TRAPPC11: variants seen among roughly 807,000 people sequenced by gnomAD.
The protein encoded by TRAPPC11 is trafficking protein particle complex subunit 11.
In TRAPPC11, 104 loss-of-function variants were observed where a neutral mutation model predicts 151.2. That is an observed-to-expected ratio of 0.69 (90% confidence interval 0.59 to 0.81). The LOEUF (loss-of-function observed/expected upper bound fraction) is 0.81, where lower values mean the gene tolerates loss of function less well. Ranked by LOEUF, TRAPPC11 falls within the 30% of genes least tolerant of loss-of-function variation. The pLI, the probability that TRAPPC11 is intolerant of heterozygous loss-of-function variation, is 0.00. For missense variants in TRAPPC11, 1,230 were observed against 1,349.6 expected, an observed-to-expected ratio of 0.91 and a Z score of 1.39; for synonymous variants, 456 against 472.3, an observed-to-expected ratio of 0.97 and a Z score of 0.45.
chr4:183,694,825 G>C, intron 23 of TRAPPC11, 102 bp downstream of exon 23: 3 of 1,171,850 alleles, frequency 2.6e-6, no homozygotes, highest in Non-Finnish European at 3.6e-6. Context: ...AGCAGTTTAG[G>C]TGCTTATAGT....
chr4:183,695,554 A>G lies in TRAPPC11; in HGVS notation c.2628+831A>G, dbSNP rs141329260. 7.9e-5 allele frequency among the ~76,000 whole-genome samples: 12 copies of G among 152,230 alleles called. No homozygotes were observed. The East Asian group carries it at 1.9e-3, about 25-fold the overall frequency. On this transcript the variant is annotated intron_variant, in intron 23 of 29. Coordinates refer to ENST00000334690, the MANE Select transcript of TRAPPC11 (RefSeq NM_021942.6). ...TTTAACAGGCCATGTTTCTAAATAG[A>G]TTCAATTGTGCTGTATATAATGTTT... is the stretch of plus-strand genomic sequence containing the variant.
rs1737421977 is a variant in TRAPPC11, at chr4:183,713,494, T to C, written c.*850T>C. On this transcript the variant is annotated 3_prime_UTR_variant, in exon 30 of 30. Coordinates refer to ENST00000334690, the MANE Select transcript of TRAPPC11 (RefSeq NM_021942.6). The stretch of plus-strand genomic sequence containing the variant: ...GTATTTGTTAAAATACCTTAATAAT[T>C]TAAAATGACCTGATTTCCTGGAAAA... 1.3e-5 allele frequency: 2 copies of C among 152,656 alleles called. No homozygotes were observed. Among genetic ancestry groups the C allele is most frequent in the Admixed American group, 6.5e-5 (1 of 15,278 alleles). 9.5% of individuals were successfully genotyped at this position (152,656 alleles called of 1,614,324 possible). A position where few individuals can be genotyped will look rare whatever the true frequency, so the allele number is the denominator to read the frequency against.
intron 7 of TRAPPC11, among the ~76,000 whole-genome samples, chr4:183,677,031 C>T (rs1236473988): frequency 6.6e-6 from 1 of 152,186 alleles, no homozygotes; most frequent in Non-Finnish European, 1.5e-5. Context: ...TCTCAAAGTG[C>T]TGGGATTACA....
intron 18 of TRAPPC11, among the ~76,000 whole-genome samples, chr4:183,687,107 G>A (rs1382604433): frequency 6.6e-6 from 1 of 152,100 alleles, no homozygotes; most frequent in Non-Finnish European, 1.5e-5. Context: ...CTTGAACTCG[G>A]GAGATGGAGG....
At chr4:183,707,370 A>T (rs1380165610) in intron 28 of TRAPPC11, among the ~76,000 whole-genome samples, 1 of 152,044 alleles carries the variant, frequency 6.6e-6, no homozygotes, top group Admixed American at 6.6e-5. Context: ...CGTAGAATAT[A>T]CTTAACCTTT....
At chr4:183,704,924 A>G in intron 26 of TRAPPC11, 55 bp from the exon 27 acceptor site, 1 of 1,167,984 alleles carries the variant, frequency 8.6e-7, no homozygotes, top group Non-Finnish European at 1.2e-6. Flanking sequence ...AACTTCTTTC[A>G]TAGTTTAAAA....
chr4:183,710,670 T>G (rs1737298405), intron 29 of TRAPPC11, among the ~76,000 whole-genome samples: 1 of 152,074 alleles, frequency 6.6e-6, no homozygotes, highest in Non-Finnish European at 1.5e-5. Context: ...GCAACTTGAC[T>G]GCTGCCAAAA....
chr4:183,694,227 A>G (rs1736412562), intron 22 of TRAPPC11, among the ~76,000 whole-genome samples, 189 bp downstream of exon 22: 1 of 152,246 alleles, frequency 6.6e-6, no homozygotes, highest in South Asian at 2.1e-4. Context: ...TTTTTCTACA[A>G]GGGAATTTAG....
intron 29 of TRAPPC11, among the ~76,000 whole-genome samples, chr4:183,709,128 AC>A (rs1737218910): frequency 6.6e-6 from 1 of 152,126 alleles, no homozygotes; most frequent in Non-Finnish European, 1.5e-5. Flanking sequence ...ACTCCCTGAT[AC>A]CTAAATAAGA....
At chr4:183,707,921 ATCT>A (rs1737157041) in intron 28 of TRAPPC11, among the ~76,000 whole-genome samples, 1 of 150,050 alleles carries the variant, frequency 6.7e-6, no homozygotes, top group Non-Finnish European at 1.5e-5. Context: ...TTTTCAAAAC[ATCT>A]TTTTTTTTTC....
At position 183,706,485 on chromosome 4, in the gene TRAPPC11, T is replaced by C. The variant is rs189150227; in HGVS notation, c.3056-322T>C. 6.0e-5 allele frequency among the ~76,000 whole-genome samples: 9 copies of C among 149,566 alleles called. No individual in the cohort carries two copies. In the East Asian group the frequency reaches 1.8e-3, roughly 29 times the overall value. On this transcript the variant is annotated intron_variant, in intron 27 of 29. Transcript: ENST00000334690. ...TTGCAGTGAGCCGAGATAGCACCAC[T>C]GCACTCCAGCCTGGGTGAAAGAGCG...
chr4:183,703,378 T>G (rs898235506), intron 26 of TRAPPC11, among the ~76,000 whole-genome samples: 12 of 152,220 alleles, frequency 7.9e-5, no homozygotes, highest in South Asian at 2.1e-4. Flanking sequence ...AAACTTGTCT[T>G]TCTTTTCCCC....
rs944831511 is a variant in TRAPPC11, at chr4:183,693,204, T to G, written c.2237+57T>G. The stretch of plus-strand genomic sequence containing the variant: ...GTCATCCTCTTATTTCTTTTGCTAT[T>G]TTTTTTGGAGACAGAGTCTCTCTCT... On this transcript the variant is annotated intron_variant, in intron 20 of 29. Transcript: ENST00000334690. 10 of 1,481,130 alleles carry G rather than the reference T, an allele frequency of 6.8e-6. No homozygotes were observed. The Admixed American group carries it at 2.3e-4, about 33-fold the overall frequency. 91.7% of individuals were successfully genotyped at this position (1,481,130 alleles called of 1,614,324 possible). A position where few individuals can be genotyped will look rare whatever the true frequency, so the allele number is the denominator to read the frequency against.
At chr4:183,679,993 T>C in intron 9 of TRAPPC11, 127 bp from the exon 10 acceptor site, 1 of 713,892 alleles carries the variant, frequency 1.4e-6, no homozygotes, top group East Asian at 2.7e-5. Context: ...AGAACAAATA[T>C]TAACTGTTCA....
chr4:183,675,131 A>G (rs757977121), intron 6 of TRAPPC11, 33 bp from the exon 7 acceptor site: 4 of 1,142,084 alleles, frequency 3.5e-6, no homozygotes, highest in Non-Finnish European at 4.9e-6. Flanking sequence ...TAAATAGAAT[A>G]TGTATAATAG....
At chr4:183,667,686 A>G (rs1193720646) in intron 4 of TRAPPC11, among the ~76,000 whole-genome samples, 4 of 152,172 alleles carry the variant, frequency 2.6e-5, no homozygotes, top group Admixed American at 2.0e-4. Flanking sequence ...ATGGTTTTGG[A>G]GACTTCTTTC....
intron 5 of TRAPPC11, among the ~76,000 whole-genome samples, chr4:183,669,627 G>T (rs776796383): frequency 4.3e-4 from 66 of 152,168 alleles, no homozygotes; most frequent in Non-Finnish European, 7.8e-4. Context: ...AGACTATTTG[G>T]CAATGCCTGG....
chr4:183,662,183 C>A (rs1215557058), intron 1 of TRAPPC11, among the ~76,000 whole-genome samples: 1 of 151,838 alleles, frequency 6.6e-6, no homozygotes, highest in Non-Finnish European at 1.5e-5. Flanking sequence ...CATGGTGAAA[C>A]CCTGTCCACT....
At chr4:183,696,636 A>G (rs1021848031) in intron 23 of TRAPPC11, among the ~76,000 whole-genome samples, 19 of 151,998 alleles carry the variant, frequency 1.3e-4, no homozygotes, top group Non-Finnish European at 2.2e-4. Context: ...AGCTCAAGCA[A>G]TTTGTCCACC....
Sources: allele counts gnomAD v4.1 joint callset (sites outside exome capture counted in the v4.1 genomes callset), GRCh38; gene constraint gnomAD v4.1.1; transcripts MANE v1.5; gene names NCBI Gene and HGNC (gene_info 2026-07-23, HGNC 2026-07-21).